The following SF3B3 variants were observed in gnomAD, a reference collection of about 807,000 sequenced individuals.
SF3B3 encodes the protein splicing factor 3b subunit 3, also known as SAP 130.
In SF3B3, 33 loss-of-function variants were observed where a neutral mutation model predicts 139.2. That is an observed-to-expected ratio of 0.24 (90% confidence interval 0.18 to 0.32). The LOEUF (loss-of-function observed/expected upper bound fraction) is 0.32, where lower values mean the gene tolerates loss of function less well. Among genes scored for constraint, SF3B3 ranks in the 10% least tolerant of loss-of-function variants. SF3B3 has a pLI of 1.00. For missense variants in SF3B3, 818 were observed against 1,509.4 expected (o/e 0.54, Z 7.59); for synonymous variants, 596 against 563.6 (o/e 1.06, Z -0.81).
intron 15 of SF3B3, among the ~76,000 whole-genome samples, chr16:70,558,343 T>TGG (rs749095468): frequency 1.3e-5 from 2 of 151,964 alleles, no homozygotes; most frequent in Non-Finnish European, 2.9e-5. Context: ...CTTGAACTCC[T>TGG]GGCCTCAAGT....
At position 70,576,129 on chromosome 16, in the gene SF3B3, T is replaced by C. The variant is rs2151798115; in HGVS notation, c.*4316T>C. The C allele has an allele frequency of 6.6e-6, 1 of 152,178 alleles. No individual in the cohort carries two copies. The allele number at this position is 152,178 out of a possible 1,614,324, so 9.4% of individuals were successfully genotyped here. A position where few individuals can be genotyped will look rare whatever the true frequency, so the allele number is the denominator to read the frequency against. On this transcript the variant is annotated 3_prime_UTR_variant, in exon 26 of 26. Transcript: ENST00000302516. ...TCTGCTGGTGATGTCTGGGCATGTG[T>C]CTGCTTCACAGTCCAGTGTTATGAT...
chr16:70,533,192 T>C (rs1251748585), intron 5 of SF3B3, among the ~76,000 whole-genome samples: 1 of 152,164 alleles, frequency 6.6e-6, no homozygotes, highest in Non-Finnish European at 1.5e-5. Flanking sequence ...GTATTCCGTT[T>C]TAAAACAAGT....
chr16:70,567,438 A>G lies in SF3B3; in HGVS notation c.2854A>G (p.Ile952Val), dbSNP rs372983247. ...TCCTGTGGAAGAGGTCCCTGCTGCT[A>G]TTGCCCCATTCCAGGGGAGGGTGTT... ...KTPVEEVPAA[I>V]APFQGRVLIG... The change falls in exon 21 of 26, where the codon ATT becomes GTT. Residue 952 changes from isoleucine to valine, a missense_variant. Ile to Val is a conservative substitution (Grantham distance 29, BLOSUM62 3). Transcript: ENST00000302516. The G allele has an allele frequency of 1.2e-6, 2 of 1,613,920 alleles. No homozygotes were observed. Among genetic ancestry groups the G allele is most frequent in the Non-Finnish European group, 1.7e-6 (2 of 1,179,924 alleles).
chr16:70,569,490 T>A (rs1195596547), intron 23 of SF3B3, among the ~76,000 whole-genome samples: 1 of 152,184 alleles, frequency 6.6e-6, no homozygotes, highest in Non-Finnish European at 1.5e-5. Flanking sequence ...TTTTCCTTTT[T>A]TATGGCAAGC....
intron 11 of SF3B3, chr16:70,550,679 G>T: frequency 1.9e-5 from 19 of 984,890 alleles, no homozygotes; most frequent in Non-Finnish European, 2.3e-5. Context: ...ATCACCACAG[G>T]TGTGTACCTA....
chr16:70,532,090 C>G (rs1567409958), intron 4 of SF3B3, among the ~76,000 whole-genome samples: 2 of 152,076 alleles, frequency 1.3e-5, no homozygotes, highest in East Asian at 3.9e-4. Flanking sequence ...GTCAGGAGTT[C>G]GAGACCAGCC....
At chr16:70,560,036 C>A (rs2050414633) in intron 15 of SF3B3, among the ~76,000 whole-genome samples, 1 of 152,180 alleles carries the variant, frequency 6.6e-6, no homozygotes, top group South Asian at 2.1e-4. Flanking sequence ...CCTTGTTGCA[C>A]AATAAAGTAT....
intron 6 of SF3B3, among the ~76,000 whole-genome samples, chr16:70,535,655 C>T (rs1288995664): frequency 6.6e-6 from 1 of 151,976 alleles, no homozygotes; most frequent in Non-Finnish European, 1.5e-5. Flanking sequence ...TTCAGAGGAA[C>T]CTGTGGACAA....
chr16:70,554,170 C>A, intron 11 of SF3B3: 1 of 301,676 alleles, frequency 3.3e-6, no homozygotes, highest in South Asian at 4.6e-5. Context: ...TTTAAAATGT[C>A]CTCATGTCTC....
rs2050533217 is a variant in SF3B3, at chr16:70,571,937, A to G, written c.*124A>G. ...TGGATAATTAAGACTGCATTATGAA[A>G]GTCAACAGCTCTTTCCCCTCAGCTC... On this transcript the variant is annotated 3_prime_UTR_variant, in exon 26 of 26. Transcript: ENST00000302516. 4 of 1,167,674 alleles carry G rather than the reference A, an allele frequency of 3.4e-6. No homozygotes were observed. In the South Asian group the frequency reaches 4.4e-5, roughly 13 times the overall value. The allele number at this position is 1,167,674 out of a possible 1,614,324, so 72.3% of individuals were successfully genotyped here. A position where few individuals can be genotyped will look rare whatever the true frequency, so the allele number is the denominator to read the frequency against.
chr16:70,541,865 T>TA (rs773007306), intron 9 of SF3B3, 31 bp downstream of exon 9: 1 of 1,590,922 alleles, frequency 6.3e-7, no homozygotes, highest in South Asian at 1.1e-5. Flanking sequence ...CCTTCCACAA[T>TA]AGATCTAAAG....
chr16:70,548,521 A>G, intron 11 of SF3B3, 79 bp downstream of exon 11: 1 of 1,194,734 alleles, frequency 8.4e-7, no homozygotes, highest in Non-Finnish European at 1.2e-6. Flanking sequence ...TGCGTTCATA[A>G]TACTTCTGTA....
rs369756774 is a variant in SF3B3, at chr16:70,571,840, A to G, written c.*27A>G. ...CCCTCCTTTCCCGGTGGGGCTTGCC[A>G]GAGACTGTGTGTTTTGTTTCCCCCA... On this transcript the variant is annotated 3_prime_UTR_variant, in exon 26 of 26. Transcript: ENST00000302516. 1.9e-6 allele frequency: 3 copies of G among 1,594,260 alleles called. No homozygotes were observed. The highest frequency in any genetic ancestry group is 1.4e-5 in the African/African-American group (1 of 73,540).
intron 17 of SF3B3, among the ~76,000 whole-genome samples, chr16:70,563,117 G>A (rs924277338): frequency 2.1e-5 from 3 of 143,708 alleles, no homozygotes; most frequent in Non-Finnish European, 4.6e-5. Flanking sequence ...ACAGGCGTGC[G>A]CCACCATACA....
intron 16 of SF3B3, among the ~76,000 whole-genome samples, chr16:70,561,059 C>T (rs1251376830): frequency 6.6e-6 from 1 of 151,854 alleles, no homozygotes; most frequent in Admixed American, 6.6e-5. Flanking sequence ...CTCACTCTGT[C>T]GCCCAGGCTG....
At chr16:70,554,268 C>A in intron 11 of SF3B3, 178 bp from the exon 12 acceptor site, 1 of 562,450 alleles carries the variant, frequency 1.8e-6, no homozygotes, top group South Asian at 2.2e-5. Flanking sequence ...GCTCTTCTGA[C>A]CCCTAGTTTT....
chr16:70,557,083 A>G lies in SF3B3; in HGVS notation c.2010+54A>G. 23 of 1,518,476 alleles carry G rather than the reference A, an allele frequency of 1.5e-5. No individual in the cohort carries two copies. In the South Asian group the frequency reaches 2.9e-4, roughly 19 times the overall value. The allele number at this position is 1,518,476 out of a possible 1,614,324, so 94.1% of individuals were successfully genotyped here. ...ACATTAGGCCTTCTGTACGTTTCAC[A>G]CACTCCTTTGTTTGATAACAGGGAT... On this transcript the variant is annotated intron_variant, in intron 15 of 25. Transcript: ENST00000302516.
rs1194026234 is a variant in SF3B3 at position 70,571,084 on chromosome 16, T to C, written c.3409-11T>C. The C allele has an allele frequency of 5.0e-6, 8 of 1,607,636 alleles. No individual in the cohort carries two copies. Among genetic ancestry groups the C allele is most frequent in the African/African-American group, 1.3e-5 (1 of 74,798 alleles). ...ACTTCTCAGTGACAGATTTTTTGTT[T>C]CTTCTGCCAGGACCATGACTTCTTC... On this transcript the variant is annotated splice_polypyrimidine_tract_variant and intron_variant, in intron 24 of 25. Coordinates refer to ENST00000302516, the MANE Select transcript of SF3B3 (RefSeq NM_012426.5).
In SF3B3 at chr16:70,568,441, C is replaced by T. The variant is rs2050497865; in HGVS notation, c.3111C>T (p.Ser1037=). ...ACCCCCGATGGGTCACTACAGCCAG[C>T]CTCCTGGACTATGACACTGTGGCTG... The part of the protein sequence containing the change: ...DTYPRWVTTA[S]LLDYDTVAGA... Residue 1037 remains serine (S), a synonymous_variant, in exon 22 of 26, where the codon AGC becomes AGT. Coordinates refer to ENST00000302516, the MANE Select transcript of SF3B3 (RefSeq NM_012426.5). The T allele has an allele frequency of 1.9e-6, 3 of 1,614,054 alleles. No homozygotes were observed. Among genetic ancestry groups the T allele is most frequent in the Non-Finnish European group, 8.5e-7 (1 of 1,179,920 alleles).
Sources: allele counts gnomAD v4.1 joint callset (sites outside exome capture counted in the v4.1 genomes callset), GRCh38; gene constraint gnomAD v4.1.1; transcripts MANE v1.5; gene names NCBI Gene and HGNC (gene_info 2026-07-23, HGNC 2026-07-21).